The following GALNTL6 variants were observed in gnomAD, a reference collection of about 807,000 sequenced individuals.
GALNTL6 encodes polypeptide N-acetylgalactosaminyltransferase-like 6.
GALNTL6 carries 46 observed loss-of-function variants against 73.7 expected under a neutral mutation model. The observed-to-expected ratio is 0.62, with a 90% CI of 0.49 to 0.80. The LOEUF is 0.80. Among genes scored for constraint, GALNTL6 ranks in the 30% least tolerant of loss-of-function variants. GALNTL6 has a pLI of 0.00. For synonymous variants in GALNTL6, 259 were observed against 263.7 expected, an observed-to-expected ratio of 0.98 and a Z score of 0.17; for missense variants, 604 against 755.0, an observed-to-expected ratio of 0.80 and a Z score of 2.34.
At chr4:171,934,348 TG>T (rs1738277692) in intron 2 of GALNTL6, among the ~76,000 whole-genome samples, 1 of 152,220 alleles carries the variant, frequency 6.6e-6, no homozygotes, top group African/African-American at 2.4e-5. Flanking sequence ...ATTCTCTTTT[TG>T]GTAAAACCAG....
chr4:172,260,360 G>A (rs562992187), intron 3 of GALNTL6, among the ~76,000 whole-genome samples: 10 of 151,406 alleles, frequency 6.6e-5, no homozygotes, highest in African/African-American at 2.4e-4. Flanking sequence ...ATTTATTTTT[G>A]CAGTTATTAT....
At chr4:172,047,435 A>G (rs1742253737) in intron 2 of GALNTL6, among the ~76,000 whole-genome samples, 3 of 152,166 alleles carry the variant, frequency 2.0e-5, no homozygotes, top group South Asian at 4.1e-4. Context: ...AGATGTGTCA[A>G]AATGATGCAT....
rs1428043483 is a variant in GALNTL6 at position 172,299,718 on chromosome 4, C to T, written c.248-11896C>T. Among the ~76,000 whole-genome samples, 5 of 152,314 alleles carry T rather than the reference C, an allele frequency of 3.3e-5. No individual in the cohort carries two copies. In the East Asian group the frequency reaches 9.7e-4, roughly 29 times the overall value. ...AATCCTGAGTTCTAGTTTGATTGCA[C>T]TGTGGTCTGACAGACAGTTTGTTAT... On this transcript the variant is annotated intron_variant, in intron 3 of 12. Coordinates refer to ENST00000506823, the MANE Select transcript of GALNTL6 (RefSeq NM_001034845.3).
intron 5 of GALNTL6, among the ~76,000 whole-genome samples, chr4:172,518,124 A>G (rs879554072): frequency 6.6e-6 from 1 of 151,916 alleles, no homozygotes; most frequent in South Asian, 2.1e-4. Flanking sequence ...TAGAGTCACC[A>G]AAGGGATCCT....
chr4:172,751,089 C>T (rs1737395775), intron 5 of GALNTL6, among the ~76,000 whole-genome samples: 1 of 152,106 alleles, frequency 6.6e-6, no homozygotes, highest in South Asian at 2.1e-4. Flanking sequence ...ATTGTTGAGG[C>T]ATATGTGGTT....
intron 5 of GALNTL6, among the ~76,000 whole-genome samples, chr4:172,761,913 A>G (rs577631276): frequency 1.1e-4 from 16 of 152,264 alleles, no homozygotes; most frequent in African/African-American, 3.9e-4. Context: ...CACTGTTCCC[A>G]TTTCTCAGAA....
At chr4:172,481,178 C>G (rs143747125) in intron 5 of GALNTL6, among the ~76,000 whole-genome samples, 1 of 151,986 alleles carries the variant, frequency 6.6e-6, no homozygotes, top group Non-Finnish European at 1.5e-5. Flanking sequence ...AGTGAAGCTG[C>G]AGACCTTCAC....
intron 2 of GALNTL6, among the ~76,000 whole-genome samples, chr4:172,123,500 A>ATTTTTTTTTTTTTT (rs67067629): frequency 8.7e-6 from 1 of 115,418 alleles, no homozygotes; most frequent in Non-Finnish European, 1.7e-5. Flanking sequence ...AAAAGTCATA[A>ATTTTTTTTTTTTTT]TTTTTTTTTT....
At chr4:172,626,844 G>A (rs1739189882) in intron 5 of GALNTL6, among the ~76,000 whole-genome samples, 1 of 151,976 alleles carries the variant, frequency 6.6e-6, no homozygotes, top group Non-Finnish European at 1.5e-5. Context: ...AATTTATTTT[G>A]TATCTTGAAA....
intron 2 of GALNTL6, among the ~76,000 whole-genome samples, chr4:171,966,060 C>T (rs1739373879): frequency 6.6e-6 from 1 of 152,076 alleles, no homozygotes; most frequent in Non-Finnish European, 1.5e-5. Context: ...CTTTCTATGA[C>T]AGATTTCTTT....
intron 4 of GALNTL6, among the ~76,000 whole-genome samples, chr4:172,325,044 A>G (rs1740894624): frequency 1.3e-5 from 2 of 151,904 alleles, no homozygotes; most frequent in East Asian, 3.9e-4. Context: ...AAGAAAAAAT[A>G]ATAATTCAAA....
At chr4:172,792,677 T>TTTC (rs1289990906) in intron 5 of GALNTL6, among the ~76,000 whole-genome samples, 1 of 151,284 alleles carries the variant, frequency 6.6e-6, no homozygotes, top group African/African-American at 2.4e-5. Flanking sequence ...TTAGCTTTTT[T>TTTC]TTTTTTTTTT....
intron 5 of GALNTL6, among the ~76,000 whole-genome samples, chr4:172,527,711 TA>T (rs1735011156): frequency 6.6e-6 from 1 of 152,220 alleles, no homozygotes; most frequent in Admixed American, 6.5e-5. Context: ...TATGATTTAA[TA>T]AGATACTGTG....
chr4:171,907,819 A>T (rs1737342539), intron 2 of GALNTL6, among the ~76,000 whole-genome samples: 1 of 151,854 alleles, frequency 6.6e-6, no homozygotes, highest in Non-Finnish European at 1.5e-5. Flanking sequence ...GGAACAGAAC[A>T]GAGCCCTCAG....
At chr4:171,817,941 TTGTGA>T (rs1376906636) in intron 2 of GALNTL6, among the ~76,000 whole-genome samples, 1 of 151,638 alleles carries the variant, frequency 6.6e-6, no homozygotes, top group Non-Finnish European at 1.5e-5. Flanking sequence ...ATTATTATAA[TTGTGA>T]TGTGTTATTT....
rs550807787 is a variant in GALNTL6, at chr4:171,837,555, A to T, written c.138+22837A>T. 3.8e-4 allele frequency among the ~76,000 whole-genome samples: 56 copies of T among 147,586 alleles called. 2 individuals carry two copies. In the South Asian group the frequency reaches 0.011, roughly 30 times the overall value. On this transcript the variant is annotated intron_variant, in intron 2 of 12. Coordinates refer to ENST00000506823, the MANE Select transcript of GALNTL6 (RefSeq NM_001034845.3). ...CTAAATGGTTCAGAAAAAAAAATAT[A>T]TAAATACATATTATATATTAATATT...
intron 5 of GALNTL6, among the ~76,000 whole-genome samples, chr4:172,405,435 ATATATATATTTTTTTTTT>A (rs1421755633): frequency 2.0e-3 from 10 of 5,106 alleles, no homozygotes; most frequent in African/African-American, 7.0e-3. Context: ...ATATATATAT[ATATATATATTTTTTTTTT>A]TTTTTTTTTT....
intron 2 of GALNTL6, among the ~76,000 whole-genome samples, chr4:172,036,010 C>T (rs767902063): frequency 6.6e-6 from 1 of 152,062 alleles, no homozygotes; most frequent in Non-Finnish European, 1.5e-5. Flanking sequence ...TGGATATATA[C>T]TTAGCATTTC....
chr4:171,860,557 A>G (rs1735805720), intron 2 of GALNTL6, among the ~76,000 whole-genome samples: 1 of 152,210 alleles, frequency 6.6e-6, no homozygotes, highest in Non-Finnish European at 1.5e-5. Context: ...ACTCTACTTT[A>G]TAATCCTTTA....
Sources: gnomAD v4.1 joint callset for allele counts (sites outside exome capture counted in the v4.1 genomes callset) on GRCh38, gnomAD v4.1.1 for gene constraint, MANE v1.5 for transcripts, NCBI Gene and HGNC (gene_info 2026-07-23, HGNC 2026-07-21) for gene names.